PLCB1: variants seen among roughly 807,000 people sequenced by gnomAD.
PLCB1 encodes 1-phosphatidylinositol 4,5-bisphosphate phosphodiesterase beta-1.
A neutral mutation model predicts 161.8 loss-of-function variants in PLCB1; 46 were observed. That is an observed-to-expected ratio of 0.28 (90% confidence interval 0.22 to 0.36). The LOEUF (loss-of-function observed/expected upper bound fraction) is 0.36, where lower values mean the gene tolerates loss of function less well. Ranked by LOEUF, PLCB1 falls within the 10% of genes least tolerant of loss-of-function variation. The pLI, the probability that PLCB1 is intolerant of heterozygous loss-of-function variation, is 1.00. For synonymous variants in PLCB1, 517 were observed against 503.7 expected (o/e 1.03, Z -0.35); for missense variants, 1,016 against 1,472.5 (o/e 0.69, Z 5.07).
At chr20:8,642,568 AG>A (rs1300018575) in intron 4 of PLCB1, among the ~76,000 whole-genome samples, 1 of 152,250 alleles carries the variant, frequency 6.6e-6, no homozygotes, top group East Asian at 1.9e-4. Context: ...TGACAGCAAT[AG>A]GAGTTTGCCA....
In PLCB1 at chr20:8,690,145, CTGT is replaced by C. The variant is rs773342279; in HGVS notation, c.1009+5072_1009+5074del. Among the ~76,000 whole-genome samples the C allele has an allele frequency of 6.2e-3, 366 of 58,654 alleles. 2 individuals are homozygous for C. The highest frequency in any genetic ancestry group is 0.023 in the East Asian group (26 of 1,148). The allele number at this position is 58,654 out of a possible 152,430, so 38.5% of individuals were successfully genotyped here. A position where few individuals can be genotyped will look rare whatever the true frequency, so the allele number is the denominator to read the frequency against. ...TCTCATCTAAGGGGTTTTGTTTTTG[CTGT>C]TGTTTTTTTTTTTTATCTTGCTCCC... is the stretch of plus-strand genomic sequence containing the variant. On this transcript the variant is annotated intron_variant, in intron 10 of 31. Transcript: ENST00000338037.
intron 9 of PLCB1, among the ~76,000 whole-genome samples, chr20:8,664,724 T>G (rs1989765896): frequency 6.6e-6 from 1 of 152,150 alleles, no homozygotes. Context: ...GGAGCTCAAG[T>G]CATGTTATCG....
chr20:8,286,843 C>T (rs1363592505), intron 2 of PLCB1, among the ~76,000 whole-genome samples: 1 of 152,074 alleles, frequency 6.6e-6, no homozygotes, highest in Non-Finnish European at 1.5e-5. Context: ...AATACTTTCT[C>T]AGTTTCCTGT....
chr20:8,584,077 A>C (rs1411972376), intron 3 of PLCB1, among the ~76,000 whole-genome samples: 1 of 152,216 alleles, frequency 6.6e-6, no homozygotes, highest in East Asian at 1.9e-4. Context: ...CTGCATTTGT[A>C]AATTAACTAC....
At chr20:8,198,009 A>T (rs2052045940) in intron 2 of PLCB1, among the ~76,000 whole-genome samples, 1 of 152,052 alleles carries the variant, frequency 6.6e-6, no homozygotes, top group South Asian at 2.1e-4. Flanking sequence ...GTTCTGTTCC[A>T]TTGGTCTATA....
At chr20:8,470,001 G>A (rs1981983315) in intron 3 of PLCB1, among the ~76,000 whole-genome samples, 1 of 152,080 alleles carries the variant, frequency 6.6e-6, no homozygotes, top group Non-Finnish European at 1.5e-5. Flanking sequence ...GTCTCTTCCA[G>A]ACATTTCATA....
intron 4 of PLCB1, among the ~76,000 whole-genome samples, chr20:8,632,573 C>T (rs1360808403): frequency 6.6e-6 from 1 of 152,024 alleles, no homozygotes; most frequent in Non-Finnish European, 1.5e-5. Context: ...ATGGAGAGTG[C>T]AGTGGAAAAG....
intron 2 of PLCB1, among the ~76,000 whole-genome samples, chr20:8,327,295 A>C (rs1256729282): frequency 2.0e-5 from 3 of 152,310 alleles, no homozygotes; most frequent in East Asian, 3.9e-4. Flanking sequence ...CCATATGCTA[A>C]AGTACTTGTA....
At chr20:8,439,397 T>G (rs910121212) in intron 3 of PLCB1, among the ~76,000 whole-genome samples, 2 of 152,176 alleles carry the variant, frequency 1.3e-5, no homozygotes, top group African/African-American at 4.8e-5. Context: ...TGGCAGGATG[T>G]ATTTTTTCCT....
chr20:8,215,482 T>A lies in PLCB1; in HGVS notation c.177+65111T>A, dbSNP rs139265551. 5.5e-3 allele frequency among the ~76,000 whole-genome samples: 841 copies of A among 151,960 alleles called. 8 individuals are homozygous for A. Among genetic ancestry groups the A allele is most frequent in the African/African-American group, 0.019 (804 of 41,464 alleles). On this transcript the variant is annotated intron_variant, in intron 2 of 31. Coordinates refer to ENST00000338037, the MANE Select transcript of PLCB1 (RefSeq NM_015192.4). ...GCAGCCAATCAGAAGCCATAGTATG[T>A]TTTTGGAAGGTGGTGGGGGCCAGTT...
chr20:8,175,176 C>T (rs994753663), intron 2 of PLCB1, among the ~76,000 whole-genome samples: 1 of 151,400 alleles, frequency 6.6e-6, no homozygotes, highest in East Asian at 1.9e-4. Flanking sequence ...AAGATAAAAT[C>T]CTAAAAAATA....
Position 8,326,715 on chromosome 20 carries a change from A to T in PLCB1, c.178-44667A>T, listed in dbSNP as rs1985169570. Among the ~76,000 whole-genome samples the T allele has an allele frequency of 2.6e-5, 4 of 152,232 alleles. No homozygotes were observed. The South Asian group carries it at 8.3e-4, about 31-fold the overall frequency. Reference sequence around the variant, plus strand: ...AAAGAAATATGTATAAGTCAATGCCAGATTGCATCCTCACTTTAATTTTAC... The same window carrying T: ...AAAGAAATATGTATAAGTCAATGCCTGATTGCATCCTCACTTTAATTTTAC... On this transcript the variant is annotated intron_variant, in intron 2 of 31. Coordinates refer to ENST00000338037, the MANE Select transcript of PLCB1 (RefSeq NM_015192.4).
At chr20:8,400,537 C>T (rs1978504271) in intron 3 of PLCB1, among the ~76,000 whole-genome samples, 2 of 152,194 alleles carry the variant, frequency 1.3e-5, no homozygotes, top group African/African-American at 4.8e-5. Flanking sequence ...AAAAGTATTT[C>T]CCCTTCTCCA....
intron 2 of PLCB1, among the ~76,000 whole-genome samples, chr20:8,283,611 A>G (rs1235463319): frequency 6.6e-6 from 1 of 151,732 alleles, no homozygotes; most frequent in Non-Finnish European, 1.5e-5. Flanking sequence ...GTTCTCTAAG[A>G]TATGTAACTT....
chr20:8,227,304 G>A (rs1049953012), intron 2 of PLCB1, among the ~76,000 whole-genome samples: 7 of 152,074 alleles, frequency 4.6e-5, no homozygotes, highest in Admixed American at 2.0e-4. Flanking sequence ...AGGATGGTGC[G>A]GCTTTGCCTG....
intron 3 of PLCB1, among the ~76,000 whole-genome samples, chr20:8,423,675 A>G (rs1209088950): frequency 1.3e-5 from 2 of 152,212 alleles, no homozygotes; most frequent in African/African-American, 2.4e-5. Context: ...ATTGTGCTAG[A>G]TTGACATTTT....
chr20:8,371,141 A>C (rs905099802), intron 2 of PLCB1: 1 of 469,124 alleles, frequency 2.1e-6, no homozygotes, highest in African/African-American at 2.0e-5. Flanking sequence ...TGTAGGATAG[A>C]CTGGGGACAT....
intron 3 of PLCB1, among the ~76,000 whole-genome samples, chr20:8,583,872 CT>C (rs1986907323): frequency 6.6e-6 from 1 of 152,098 alleles, no homozygotes; most frequent in Non-Finnish European, 1.5e-5. Context: ...CCATTTGTAG[CT>C]ACTTAACATG....
chr20:8,606,061 G>T (rs566050953), intron 3 of PLCB1, among the ~76,000 whole-genome samples: 1 of 152,210 alleles, frequency 6.6e-6, no homozygotes, highest in African/African-American at 2.4e-5. Flanking sequence ...CCATTGATGG[G>T]CACTTGGCTT....
Sources: gnomAD v4.1 joint callset for allele counts (sites outside exome capture counted in the v4.1 genomes callset) on GRCh38, gnomAD v4.1.1 for gene constraint, MANE v1.5 for transcripts, NCBI Gene and HGNC (gene_info 2026-07-23, HGNC 2026-07-21) for gene names.